C3orf52: variants seen among roughly 807,000 people sequenced by gnomAD.
C3orf52 encodes the protein TPA-induced transmembrane protein.
Under a neutral mutation model 24.8 loss-of-function variants are expected in C3orf52, and 22 were observed. The observed-to-expected ratio is 0.89, with a 90% CI of 0.63 to 1.27. The LOEUF (loss-of-function observed/expected upper bound fraction) is 1.27. Among genes scored for constraint, C3orf52 ranks in the 50% most tolerant of loss-of-function variants. C3orf52 has a pLI of 0.00. For missense variants in C3orf52, 265 were observed against 260.7 expected, an observed-to-expected ratio of 1.02 and a Z score of -0.11; for synonymous variants, 93 against 100.2, an observed-to-expected ratio of 0.93 and a Z score of 0.43.
intron 4 of C3orf52, chr3:112,112,038 A>G (rs1033142550): frequency 6.6e-6 from 1 of 152,218 alleles, no homozygotes; most frequent in Non-Finnish European, 1.5e-5. Context: ...CCTGATTCAC[A>G]CTAATGGGAC....
chr3:112,112,698 T>C (rs2074095281), intron 4 of C3orf52: 1 of 454,712 alleles, frequency 2.2e-6, no homozygotes. Flanking sequence ...CACCTCTACC[T>C]CTACCTCTGA....
At chr3:112,089,425 A>C (rs1449124961) in intron 1 of C3orf52, among the ~76,000 whole-genome samples, 1 of 151,544 alleles carries the variant, frequency 6.6e-6, no homozygotes, top group Non-Finnish European at 1.5e-5. Flanking sequence ...CTACTCAGGA[A>C]GGCTGAGGCA....
chr3:112,097,862 C>G (rs1191275206), intron 2 of C3orf52, among the ~76,000 whole-genome samples: 1 of 152,214 alleles, frequency 6.6e-6, no homozygotes, highest in East Asian at 1.9e-4. Flanking sequence ...CCTCCTCTCT[C>G]TAAGCATCCT....
chr3:112,088,959 G>A (rs79923198), intron 1 of C3orf52, among the ~76,000 whole-genome samples: 9,219 of 152,118 alleles, frequency 0.061, 384 homozygotes, highest in African/African-American at 0.12. Context: ...AGCAGTAGAA[G>A]GAACTTCTTT....
At chr3:112,123,254 T>C (rs772237115) in intron 4 of C3orf52, 3 of 933,378 alleles carry the variant, frequency 3.2e-6, no homozygotes, top group Non-Finnish European at 4.7e-6. Context: ...CAAATGGTGT[T>C]GTTCAGGATA....
intron 3 of C3orf52, among the ~76,000 whole-genome samples, chr3:112,109,244 T>C (rs1000846880): frequency 6.6e-6 from 1 of 152,204 alleles, no homozygotes; most frequent in African/African-American, 2.4e-5. Context: ...TCCTATGGTC[T>C]GTGAGGCCTG....
chr3:112,124,685 A>G (rs1346735994), intron 4 of C3orf52, among the ~76,000 whole-genome samples: 2 of 152,160 alleles, frequency 1.3e-5, no homozygotes, highest in South Asian at 2.1e-4. Context: ...ATTACCCTCT[A>G]GAGATATTTA....
At chr3:112,101,183 C>T (rs1429099205) in intron 2 of C3orf52, among the ~76,000 whole-genome samples, 1 of 152,200 alleles carries the variant, frequency 6.6e-6, no homozygotes, top group Non-Finnish European at 1.5e-5. Flanking sequence ...GGAGGATACA[C>T]AGGACTCAGC....
At chr3:112,130,361 C>G, downstream of C3orf52, 4 of 1,054,428 alleles carry the variant, frequency 3.8e-6, no homozygotes, top group Non-Finnish European at 6.0e-6. Context: ...GGCCCTCTCT[C>G]ACTGGGATGT....
rs1445704791 is a variant in C3orf52, at chr3:112,117,081, T to G, written c.*435T>G. 1 of 661,992 alleles carries G rather than the reference T, an allele frequency of 1.5e-6. No homozygotes were observed. The highest frequency in any genetic ancestry group is 1.8e-5 in the African/African-American group (1 of 55,008). 41.0% of individuals were successfully genotyped at this position (661,992 alleles called of 1,614,324 possible). On this transcript the variant is annotated 3_prime_UTR_variant, in exon 6 of 6. Coordinates refer to ENST00000264848, the MANE Select transcript of C3orf52 (RefSeq NM_024616.3). Reference sequence around the variant, plus strand: ...GGCTACTTTTTCTTTAGTGCAGAGGTGCACTGTCTTCTTTTAGGTGGGATC... The same window carrying G: ...GGCTACTTTTTCTTTAGTGCAGAGGGGCACTGTCTTCTTTTAGGTGGGATC...
chr3:112,110,707 T>A (rs2074071816), intron 4 of C3orf52, among the ~76,000 whole-genome samples: 1 of 152,234 alleles, frequency 6.6e-6, no homozygotes, highest in African/African-American at 2.4e-5. Context: ...TTATCCATTA[T>A]GCCTGAGATG....
intron 2 of C3orf52, among the ~76,000 whole-genome samples, chr3:112,102,446 C>T (rs913957607): frequency 6.6e-6 from 1 of 152,188 alleles, no homozygotes; most frequent in Non-Finnish European, 1.5e-5. Context: ...CCTGCACACC[C>T]TGGGGCTCTG....
intron 5 of C3orf52, among the ~76,000 whole-genome samples, chr3:112,115,967 A>G (rs1269867188): frequency 1.3e-5 from 2 of 152,184 alleles, no homozygotes; most frequent in Non-Finnish European, 1.5e-5. Flanking sequence ...CTGTTTTACA[A>G]AGGTCGAAGA....
intron 3 of C3orf52, among the ~76,000 whole-genome samples, chr3:112,105,669 T>A (rs185851397): frequency 2.4e-3 from 366 of 150,792 alleles, no homozygotes; most frequent in Middle Eastern, 3.4e-3. Flanking sequence ...CCCCATAGTT[T>A]AAGGGTTCAG....
At chr3:112,087,187 G>C (rs1484994881) in intron 1 of C3orf52, among the ~76,000 whole-genome samples, 1 of 152,144 alleles carries the variant, frequency 6.6e-6, no homozygotes, top group African/African-American at 2.4e-5. Context: ...GGGTCGGCGC[G>C]GGGGAGGTGA....
chr3:112,105,091 G>A (rs1341345258), intron 3 of C3orf52, among the ~76,000 whole-genome samples: 1 of 152,108 alleles, frequency 6.6e-6, no homozygotes, highest in Non-Finnish European at 1.5e-5. Context: ...AGGAAATTCT[G>A]CGGGTATTTT....
chr3:112,114,267 A>G (rs970182031), intron 5 of C3orf52, among the ~76,000 whole-genome samples: 5 of 152,166 alleles, frequency 3.3e-5, no homozygotes, highest in African/African-American at 1.2e-4. Flanking sequence ...TGCCATTCAG[A>G]AGGCCAAATT....
At chr3:112,104,331 A>G (rs2074005287) in intron 3 of C3orf52, among the ~76,000 whole-genome samples, 1 of 152,176 alleles carries the variant, frequency 6.6e-6, no homozygotes, top group Non-Finnish European at 1.5e-5. Context: ...AGACCCAGAA[A>G]TTTTGATAAG....
chr3:112,089,043 C>G (rs1037549798), intron 1 of C3orf52, among the ~76,000 whole-genome samples: 1 of 152,176 alleles, frequency 6.6e-6, no homozygotes, highest in Admixed American at 6.5e-5. Flanking sequence ...CCTGCTGTCA[C>G]TGTAAACATG....
Sources: allele counts gnomAD v4.1 joint callset (sites outside exome capture counted in the v4.1 genomes callset), GRCh38; gene constraint gnomAD v4.1.1; transcripts MANE v1.5; gene names NCBI Gene and HGNC (gene_info 2026-07-23, HGNC 2026-07-21).